The following SARS2 variants were observed in gnomAD, a reference collection of about 807,000 sequenced individuals.
The protein encoded by SARS2 is serine--tRNA ligase, mitochondrial.
A neutral mutation model predicts 66.8 loss-of-function variants in SARS2; 52 were observed. That is an observed-to-expected ratio of 0.78 (90% CI 0.62 to 0.98). SARS2 has a LOEUF of 0.98. Ranked by LOEUF, SARS2 falls within the 50% of genes least tolerant of loss-of-function variation. The pLI, the probability that SARS2 is intolerant of heterozygous loss-of-function variation, is 0.00. For missense variants in SARS2, 673 were observed against 706.3 expected (o/e 0.95, Z 0.53); for synonymous variants, 306 against 281.4 (o/e 1.09, Z -0.87).
intron 2 of SARS2, 140 bp from the exon 3 acceptor site, chr19:38,922,407 CTG>C: frequency 6.3e-6 from 5 of 791,852 alleles, no homozygotes; most frequent in South Asian, 4.2e-5. Context: ...CTCTGCAACT[CTG>C]TGTTTCTGTT....
intron 9 of SARS2, 41 bp downstream of exon 9, chr19:38,918,381 C>T (rs1299950792): frequency 6.4e-7 from 1 of 1,565,960 alleles, no homozygotes; most frequent in Non-Finnish European, 8.8e-7. Flanking sequence ...TGTCCTTCCA[C>T]ATCACTCCTG....
At chr19:38,921,310 G>A in intron 5 of SARS2, 82 bp downstream of exon 5, 1 of 1,447,080 alleles carries the variant, frequency 6.9e-7, no homozygotes, top group East Asian at 2.4e-5. Flanking sequence ...CATGTTCCCA[G>A]ACCCCAGGGG....
chr19:38,923,853 A>T (rs1225482262), intron 2 of SARS2, among the ~76,000 whole-genome samples: 5 of 152,130 alleles, frequency 3.3e-5, no homozygotes, highest in African/African-American at 1.2e-4. Context: ...GGGCGCCTGT[A>T]GTCCCAGCTA....
intron 12 of SARS2, among the ~76,000 whole-genome samples, chr19:38,917,127 T>C (rs1974431993): frequency 6.6e-6 from 1 of 152,102 alleles, no homozygotes; most frequent in East Asian, 1.9e-4. Flanking sequence ...CATACCCGGC[T>C]AATTTTAAAA....
chr19:38,918,536 G>C lies in SARS2; in HGVS notation c.808-6C>G, dbSNP rs1434892612. ...GGTGTCATCCCACAGCCTTCCTGGGGGAGGAGGCCAGGCCACAGGGATCAG... is the reference window on the plus strand; with the variant it reads ...GGTGTCATCCCACAGCCTTCCTGGGCGAGGAGGCCAGGCCACAGGGATCAG... On this transcript the variant is annotated splice_region_variant and splice_polypyrimidine_tract_variant and intron_variant, in intron 8 of 15. Transcript: ENST00000221431. 1 of 1,608,370 alleles carries C rather than the reference G, an allele frequency of 6.2e-7. No individual in the cohort carries two copies. Among genetic ancestry groups the C allele is most frequent in the Admixed American group, 1.7e-5 (1 of 60,016 alleles).
In SARS2 at chr19:38,921,649, G is replaced by C. The variant is rs1377566457; in HGVS notation, c.412C>G (p.Leu138Val). 1 of 1,614,104 alleles carries C rather than the reference G, an allele frequency of 6.2e-7. No individual in the cohort carries two copies. Among genetic ancestry groups the C allele is most frequent in the Non-Finnish European group, 8.5e-7 (1 of 1,180,032 alleles). Residue 138 changes from leucine to valine, a missense_variant, in exon 4 of 16, where the codon CTG becomes GTG. Leu to Val is a conservative substitution (Grantham distance 32). Coordinates refer to ENST00000221431, the MANE Select transcript of SARS2 (RefSeq NM_017827.4). ...CGGATCTCCCGGCCACGTGCCCGCA[G>C]ACCCTGGTACTTGGGGTCCTGGGGG... ...EVQQDPKYQG[L>V]RARGREIRKE...
chr19:38,923,323 G>A (rs1294198743), intron 2 of SARS2, among the ~76,000 whole-genome samples: 18 of 139,022 alleles, frequency 1.3e-4, no homozygotes, highest in African/African-American at 3.6e-4. Flanking sequence ...CCGGGTTCAC[G>A]CCATTCTCCT....
chr19:38,922,387 A>C, intron 2 of SARS2, 120 bp from the exon 3 acceptor site: 1 of 931,508 alleles, frequency 1.1e-6, no homozygotes. Context: ...GTCAGTGCCT[A>C]GCTGGGTCCC....
At chr19:38,919,969 G>A (rs1600165870) in intron 6 of SARS2, 102 bp from the exon 7 acceptor site, 3 of 1,361,668 alleles carry the variant, frequency 2.2e-6, no homozygotes, top group South Asian at 2.5e-5. Context: ...GGTGGGGCTG[G>A]GGCATCAAAG....
chr19:38,929,417 G>A (rs980984109), intron 1 of SARS2, among the ~76,000 whole-genome samples: 2 of 151,892 alleles, frequency 1.3e-5, no homozygotes, highest in African/African-American at 2.4e-5. Context: ...TTAGCCGGGC[G>A]TGGTGGTGTC....
intron 1 of SARS2, among the ~76,000 whole-genome samples, chr19:38,927,998 A>T (rs1478971552): frequency 4.6e-5 from 7 of 152,176 alleles, no homozygotes; most frequent in African/African-American, 1.4e-4. Context: ...GCACCACTGC[A>T]CTCTAGCCTG....
chr19:38,922,569 T>C (rs1974556681), intron 2 of SARS2, among the ~76,000 whole-genome samples: 1 of 152,202 alleles, frequency 6.6e-6, no homozygotes, highest in Admixed American at 6.5e-5. Flanking sequence ...GAGGTAGGCA[T>C]TCGTGTAAAC....
chr19:38,930,491 G>A lies in SARS2; in HGVS notation c.246C>T (p.Arg82=), dbSNP rs751620378. The change falls in exon 1 of 16, where the codon CGC becomes CGT. Residue 82 remains arginine (R), a synonymous_variant. Transcript: ENST00000221431. ...TCACGATCGCGGGCAGGTCCGCCGA[G>A]CGCAGCTCCCCCTTGCGGAGCTCCA... is the stretch of plus-strand genomic sequence containing the variant. ...HALELRKGEL[R]SADLPAIIST... is the part of the protein sequence containing the mutation. The A allele has an allele frequency of 6.2e-7, 1 of 1,601,640 alleles. No individual in the cohort carries two copies. The highest frequency in any genetic ancestry group is 8.5e-7 in the Non-Finnish European group (1 of 1,172,166).
Position 38,919,829 on chromosome 19 carries a change from A to G in SARS2, c.692T>C (p.Leu231Pro), listed in dbSNP as rs1448061086. Reference protein sequence around the residue: ...SHVSGHRSYYLRGAGALLQHG... With the variant: ...SHVSGHRSYYPRGAGALLQHG... ...CTGCAGGAGGGCTCCAGCCCCGCGC[A>G]GGTAATAGGACCGGTGGCCAGACAC... The change falls in exon 7 of 16, where the codon CTG (leucine) becomes CCG (proline). Residue 231 changes from leucine (L) to proline (P), a missense_variant. Coordinates refer to ENST00000221431, the MANE Select transcript of SARS2 (RefSeq NM_017827.4). 2 of 1,614,080 alleles carry G rather than the reference A, an allele frequency of 1.2e-6. No homozygotes were observed. Among genetic ancestry groups the G allele is most frequent in the Non-Finnish European group, 8.5e-7 (1 of 1,180,036 alleles).
At chr19:38,915,808 C>T (rs1974401446) in intron 15 of SARS2, 33 bp downstream of exon 15, 2 of 1,613,024 alleles carry the variant, frequency 1.2e-6, no homozygotes, top group Admixed American at 1.7e-5. Flanking sequence ...CGGCGCTGAG[C>T]TGCCTCTCTG....
rs1203144539 is a variant in SARS2, at chr19:38,921,568, G to A, written c.493C>T (p.Leu165=). The A allele has an allele frequency of 1.2e-6, 2 of 1,614,228 alleles. No homozygotes were observed. Among genetic ancestry groups the A allele is most frequent in the Non-Finnish European group, 1.7e-6 (2 of 1,180,034 alleles). The part of the protein sequence containing the change: ...REAQLEEQFY[L]QALKLPNQTH... ...TGGTTGGGCAGCTTCAGCGCCTGCA[G>A]GTAGAACTGCTCCTCAAGCTGGGCC... The change falls in exon 4 of 16, where the codon CTG becomes TTG. Residue 165 remains leucine, a synonymous_variant. Coordinates refer to ENST00000221431, the MANE Select transcript of SARS2 (RefSeq NM_017827.4).
rs758463792 is a variant in SARS2 at position 38,915,718 on chromosome 19, T to C, written c.1445A>G (p.Gln482Arg). 1.7e-5 allele frequency: 28 copies of C among 1,613,190 alleles called. No individual in the cohort carries two copies. Among genetic ancestry groups the C allele is most frequent in the Non-Finnish European group, 2.4e-5 (28 of 1,179,578 alleles). Residue 482 changes from glutamine (Q) to arginine (R), a missense_variant, in exon 16 of 16, where the codon CAG becomes CGG. Transcript: ENST00000221431. ...DGSVLVPPAL[Q>R]SYLGTDRITA... Reference sequence around the variant, plus strand: ...GATCCGATCAGTGCCGAGGTAGGACTGGAGGGCAGGGGGCACGAGCACTGA... The same window carrying C: ...GATCCGATCAGTGCCGAGGTAGGACCGGAGGGCAGGGGGCACGAGCACTGA...
At position 38,917,724 on chromosome 19, in the gene SARS2, C is replaced by A. The variant is rs763626465; in HGVS notation, c.1160G>T (p.Arg387Leu). The change falls in exon 12 of 16, where the codon CGG becomes CTG. Residue 387 changes from arginine to leucine, a missense_variant and splice_region_variant. By Grantham distance (102) the Arg-to-Leu change is moderately radical. Transcript: ENST00000221431. ...EILTELGLHF[R>L]VLDMPTQELG... ...CTGGATCCCTGGCCCCTCTCCACAC[C>A]GGAAGTGCAAGCCCAGCTCTGTCAA... 6.2e-7 allele frequency: 1 copy of A among 1,605,548 alleles called. No homozygotes were observed. Among genetic ancestry groups the A allele is most frequent in the African/African-American group, 1.3e-5 (1 of 74,688 alleles).
Position 38,921,533 on chromosome 19 carries a change from T to G in SARS2, c.528A>C (p.Pro176=). ...QALKLPNQTH[P]DVPVGDESQA... ...CACCCAGCACGGTGCTCACCACGTCTGGGTGGGTCTGGTTGGGCAGCTTCA... is the reference window on the plus strand; with the variant it reads ...CACCCAGCACGGTGCTCACCACGTCGGGGTGGGTCTGGTTGGGCAGCTTCA... The change falls in exon 4 of 16, where the codon CCA becomes CCC. Residue 176 remains proline, a synonymous_variant. Transcript: ENST00000221431. 6.2e-7 allele frequency: 1 copy of G among 1,614,156 alleles called. No homozygotes were observed. Among genetic ancestry groups the G allele is most frequent in the South Asian group, 1.1e-5 (1 of 91,090 alleles).
Sources: gnomAD v4.1 joint callset for allele counts (sites outside exome capture counted in the v4.1 genomes callset) on GRCh38, gnomAD v4.1.1 for gene constraint, MANE v1.5 for transcripts, NCBI Gene and HGNC (gene_info 2026-07-23, HGNC 2026-07-21) for gene names.